QSOX2: variants seen among roughly 807,000 people sequenced by gnomAD.
QSOX2 encodes the protein sulfhydryl oxidase 2.
QSOX2 carries 46 observed loss-of-function variants against 61.7 expected under a neutral mutation model. The ratio of observed to expected loss-of-function variants is 0.75; its 90% CI spans 0.59 to 0.95. The LOEUF (loss-of-function observed/expected upper bound fraction) is 0.95. Among genes scored for constraint, QSOX2 ranks in the 40% least tolerant of loss-of-function variants. The pLI is 0.00. For missense variants in QSOX2, 879 were observed against 918.9 expected (o/e 0.96, Z 0.56); for synonymous variants, 383 against 388.4 (o/e 0.99, Z 0.16).
At chr9:136,244,760 C>T (rs1830457085) in intron 1 of QSOX2, among the ~76,000 whole-genome samples, 1 of 152,220 alleles carries the variant, frequency 6.6e-6, no homozygotes, top group Admixed American at 6.5e-5. Flanking sequence ...AAGTGCGGAA[C>T]ACTACCAGCA....
chr9:136,237,443 A>AGCGT, intron 1 of QSOX2, among the ~76,000 whole-genome samples: 1 of 123,574 alleles, frequency 8.1e-6, no homozygotes, highest in East Asian at 2.6e-4. Context: ...GTCCTGTGCC[A>AGCGT]CACCTGGAGC....
intron 1 of QSOX2, among the ~76,000 whole-genome samples, chr9:136,234,029 G>A (rs570109914): frequency 4.5e-4 from 69 of 152,074 alleles, no homozygotes; most frequent in Admixed American, 4.4e-3. Context: ...GCTGCAACCT[G>A]GGGCAGGACA....
rs1830286437 is a variant in QSOX2, at chr9:136,226,776, G to A, written c.427C>T (p.Arg143Trp). The A allele has an allele frequency of 2.5e-6, 4 of 1,612,802 alleles. No homozygotes were observed. The highest frequency in any genetic ancestry group is 2.2e-5 in the East Asian group (1 of 44,892). ...ACAAGCAGCCGCGTGATACTCACCC[G>A]GAAGGTGGGGTAGAAGTGGATGTCG... Reference protein sequence around the residue: ...DYDIHFYPTFRYFKAFTKEFT... With the variant: ...DYDIHFYPTFWYFKAFTKEFT... Residue 143 changes from arginine (R) to tryptophan (W), a missense_variant and splice_region_variant, in exon 2 of 12, where the codon CGG becomes TGG. Coordinates refer to ENST00000358701, the MANE Select transcript of QSOX2 (RefSeq NM_181701.4).
intron 1 of QSOX2, among the ~76,000 whole-genome samples, chr9:136,240,397 G>C (rs1830425098): frequency 6.6e-6 from 1 of 152,204 alleles, no homozygotes; most frequent in Non-Finnish European, 1.5e-5. Flanking sequence ...AATCGTTCTA[G>C]AAAATGATTA....
At position 136,223,527 on chromosome 9, in the gene QSOX2, G is replaced by A. The variant is rs185039800; in HGVS notation, c.675+236C>T. ...CCTCTTAGTTTCAAACCTAGGGTTAGGCCACCTTCTGAACCCCTCCCACCG... is the reference window on the plus strand; with the variant it reads ...CCTCTTAGTTTCAAACCTAGGGTTAAGCCACCTTCTGAACCCCTCCCACCG... On this transcript the variant is annotated intron_variant, in intron 5 of 11. Transcript: ENST00000358701. This position sits in a 1 kb window ranked among gnomAD's most constrained non-coding sequence, Gnocchi z 4.4. Among the ~76,000 whole-genome samples the A allele has an allele frequency of 4.6e-5, 7 of 152,302 alleles. No individual in the cohort carries two copies. The highest frequency in any genetic ancestry group is 1.7e-4 in the African/African-American group (7 of 41,564).
intron 1 of QSOX2, among the ~76,000 whole-genome samples, chr9:136,243,760 T>G (rs1396831168): frequency 1.3e-5 from 2 of 152,232 alleles, no homozygotes; most frequent in Non-Finnish European, 2.9e-5. Context: ...GCCCTCTCCC[T>G]GCTGCCTGGT....
Position 136,206,755 on chromosome 9 carries a change from A to AT in QSOX2, c.*1972_*1973insA, listed in dbSNP as rs1159320982. 6.6e-6 allele frequency: 1 copy of AT among 152,230 alleles called. No individual in the cohort carries two copies. Among genetic ancestry groups the AT allele is most frequent in the Non-Finnish European group, 1.5e-5 (1 of 68,032 alleles). 9.4% of individuals were successfully genotyped at this position (152,230 alleles called of 1,614,324 possible). ...TGACCTCAAACTGCAATATGATGAA[A>AT]CCTGCAGCCAACACTGCCCTCCACA... On this transcript the variant is annotated 3_prime_UTR_variant, in exon 12 of 12. Transcript: ENST00000358701.
At chr9:136,240,449 G>A (rs7032198) in intron 1 of QSOX2, among the ~76,000 whole-genome samples, 9,304 of 152,138 alleles carry the variant, frequency 0.061, 886 homozygotes, top group African/African-American at 0.21. Flanking sequence ...AGGCAACTAG[G>A]GAGCTGTGTT....
At chr9:136,228,700 G>C (rs1459781659) in intron 1 of QSOX2, among the ~76,000 whole-genome samples, 2 of 152,234 alleles carry the variant, frequency 1.3e-5, no homozygotes, top group Admixed American at 1.3e-4. Flanking sequence ...CCTGCCTGGA[G>C]GAATGGAGCC....
intron 1 of QSOX2, 103 bp downstream of exon 1, chr9:136,245,373 C>A: frequency 1.1e-6 from 1 of 950,740 alleles, no homozygotes; most frequent in South Asian, 1.6e-5. Flanking sequence ...GAAAGAAATA[C>A]GGGGGAGGGG....
chr9:136,231,114 G>A (rs1173130353), intron 1 of QSOX2, among the ~76,000 whole-genome samples: 2 of 152,204 alleles, frequency 1.3e-5, no homozygotes, highest in Non-Finnish European at 2.9e-5. Context: ...TATCTACCAC[G>A]GGAGTGGCCT....
rs1348745717 is a variant in QSOX2, at chr9:136,209,339, G to A, written c.1550-64C>T. ...GGCTTTGTGCAGCCACGTGCAGCGT[G>A]CGGCAACCGGACTCCCACTCCCACC... is the stretch of plus-strand genomic sequence containing the variant. On this transcript the variant is annotated intron_variant, in intron 11 of 11. Transcript: ENST00000358701. This position sits in a 1 kb window ranked among gnomAD's most constrained non-coding sequence, Gnocchi z 5.6. 6.4e-7 allele frequency: 1 copy of A among 1,557,846 alleles called. No individual in the cohort carries two copies. The highest frequency in any genetic ancestry group is 2.3e-5 in the East Asian group (1 of 44,308).
At position 136,223,956 on chromosome 9, in the gene QSOX2, T is replaced by C; in HGVS notation, c.584+51A>G. ...CTTAATAGAAACCTATTACGTTTCTTGCACAGTTCAACACGAGTCTAACGG... is the reference window on the plus strand; with the variant it reads ...CTTAATAGAAACCTATTACGTTTCTCGCACAGTTCAACACGAGTCTAACGG... On this transcript the variant is annotated intron_variant, in intron 4 of 11. Transcript: ENST00000358701. The surrounding 1 kb of genome is among the most constrained non-coding windows in gnomAD (Gnocchi z 4.4). 2 of 1,582,882 alleles carry C rather than the reference T, an allele frequency of 1.3e-6. No individual in the cohort carries two copies. Among genetic ancestry groups the C allele is most frequent in the South Asian group, 2.2e-5 (2 of 90,268 alleles).
chr9:136,208,674 G>C lies in QSOX2; in HGVS notation c.*54C>G. The C allele has an allele frequency of 6.6e-7, 1 of 1,518,200 alleles. No individual in the cohort carries two copies. 94.0% of individuals were successfully genotyped at this position (1,518,200 alleles called of 1,614,324 possible). A position where few individuals can be genotyped will look rare whatever the true frequency, so the allele number is the denominator to read the frequency against. On this transcript the variant is annotated 3_prime_UTR_variant, in exon 12 of 12. Transcript: ENST00000358701. The stretch of plus-strand genomic sequence containing the variant: ...TAAATATTAAAGCTGCAGGTGGCAC[G>C]GGGCAGGGCTGCCTCCAAGGGAGCT...
chr9:136,232,616 C>G (rs1252292919), intron 1 of QSOX2, among the ~76,000 whole-genome samples: 1 of 152,120 alleles, frequency 6.6e-6, no homozygotes, highest in Non-Finnish European at 1.5e-5. Flanking sequence ...ATTCACAGTA[C>G]AGAGAAAGGT....
intron 10 of QSOX2, among the ~76,000 whole-genome samples, chr9:136,212,026 T>C (rs1831852747): frequency 6.6e-6 from 1 of 152,198 alleles, no homozygotes; most frequent in Non-Finnish European, 1.5e-5. Context: ...GGCGTGAGGA[T>C]GTGGAGCAGG....
intron 1 of QSOX2, among the ~76,000 whole-genome samples, chr9:136,242,671 C>A (rs1337092359): frequency 6.6e-6 from 1 of 152,252 alleles, no homozygotes; most frequent in Admixed American, 6.5e-5. Flanking sequence ...AGACAGGGAG[C>A]CAGGCGCCAA....
chr9:136,220,480 G>A (rs539222776), intron 6 of QSOX2, among the ~76,000 whole-genome samples: 4 of 152,200 alleles, frequency 2.6e-5, no homozygotes, highest in African/African-American at 7.2e-5. Context: ...CCTGCACCTC[G>A]GAGCCCGGCG....
At chr9:136,244,008 T>C (rs80104850) in intron 1 of QSOX2, among the ~76,000 whole-genome samples, 2,432 of 152,148 alleles carry the variant, frequency 0.016, 66 homozygotes, top group African/African-American at 0.057. Context: ...GGTTACAGAA[T>C]TTGCAATATT....
Sources: gnomAD v4.1 joint callset for allele counts (sites outside exome capture counted in the v4.1 genomes callset) on GRCh38, gnomAD v4.1.1 for gene constraint, Gnocchi (gnomAD v3.1) non-coding constraint, MANE v1.5 for transcripts, NCBI Gene and HGNC (gene_info 2026-07-23, HGNC 2026-07-21) for gene names.